The following TMEM167A variants were observed in gnomAD, a reference collection of about 807,000 sequenced individuals.
The protein encoded by TMEM167A is transmembrane protein 167A, also known as protein kish-A.
TMEM167A carries 8 observed loss-of-function variants against 11.6 expected under a neutral mutation model. The ratio of observed to expected loss-of-function variants is 0.69; its 90% CI spans 0.40 to 1.24. The LOEUF is 1.24. Ranked by LOEUF, TMEM167A falls within the 50% of genes most tolerant of loss-of-function variation. The probability of loss-of-function intolerance (pLI) is 0.01; values close to 1 mark genes in which losing one functional copy is unlikely to be tolerated. For missense variants in TMEM167A, 62 were observed against 87.0 expected (o/e 0.71, Z 1.14); for synonymous variants, 22 against 28.0 (o/e 0.79, Z 0.67).
In TMEM167A at chr5:83,065,242, C is replaced by T; in HGVS notation, c.4-125G>A. ...CAAGAAGGCAAGCAGAATGACAAGTCTGGCAACACTTAAAACCAGAATCTT... is the reference window on the plus strand; with the variant it reads ...CAAGAAGGCAAGCAGAATGACAAGTTTGGCAACACTTAAAACCAGAATCTT... On this transcript the variant is annotated intron_variant, in intron 1 of 3. Coordinates refer to ENST00000502346, the MANE Select transcript of TMEM167A (RefSeq NM_174909.5). The T allele has an allele frequency of 1.4e-5, 9 of 622,848 alleles. No individual in the cohort carries two copies. In the South Asian group the frequency reaches 1.8e-4, roughly 12 times the overall value. 38.6% of individuals were successfully genotyped at this position (622,848 alleles called of 1,614,324 possible).
Position 83,053,112 on chromosome 5 carries a change from C to T in TMEM167A, c.*3972G>A, listed in dbSNP as rs866668937. On this transcript the variant is annotated 3_prime_UTR_variant, in exon 4 of 4. Transcript: ENST00000502346. ...TAGTAATAACCACAAGGTTGTACAG[C>T]GTTCACAATGCTGGTATTAATCAGC... 7.9e-5 allele frequency: 12 copies of T among 151,872 alleles called. No individual in the cohort carries two copies. Among genetic ancestry groups the T allele is most frequent in the South Asian group, 6.2e-4 (3 of 4,824 alleles). The allele number at this position is 151,872 out of a possible 1,614,324, so 9.4% of individuals were successfully genotyped here.
intron 3 of TMEM167A, among the ~76,000 whole-genome samples, chr5:83,059,094 A>T (rs1744371621): frequency 6.6e-6 from 1 of 151,952 alleles, no homozygotes; most frequent in Non-Finnish European, 1.5e-5. Context: ...AAGAATGAAC[A>T]TTTAAAATGA....
At chr5:83,062,780 T>C (rs1179405202) in intron 2 of TMEM167A, among the ~76,000 whole-genome samples, 1 of 151,866 alleles carries the variant, frequency 6.6e-6, no homozygotes, top group Non-Finnish European at 1.5e-5. Flanking sequence ...ATTAATATTA[T>C]GTTACGTAAA....
At chr5:83,069,497 AAGTCATGAAACCT>A (rs2112246986) in intron 1 of TMEM167A, among the ~76,000 whole-genome samples, 1 of 152,228 alleles carries the variant, frequency 6.6e-6, no homozygotes, top group Non-Finnish European at 1.5e-5. Context: ...CAGGGCCTTT[AAGTCATGAAACCT>A]TTTCCAAGGT....
intron 1 of TMEM167A, among the ~76,000 whole-genome samples, chr5:83,072,838 T>G (rs192145715): frequency 1.3e-5 from 2 of 152,282 alleles, no homozygotes; most frequent in East Asian, 3.9e-4. Context: ...CACATCAGAT[T>G]CCTATTAGCC....
rs1206150792 is a variant in TMEM167A at position 83,054,010 on chromosome 5, GCTAA to G, written c.*3070_*3073del. 3 of 151,978 alleles carry G rather than the reference GCTAA, an allele frequency of 2.0e-5. No individual in the cohort carries two copies. The highest frequency in any genetic ancestry group is 1.3e-4 in the Admixed American group (2 of 15,232). The allele number at this position is 151,978 out of a possible 1,614,324, so 9.4% of individuals were successfully genotyped here. On this transcript the variant is annotated 3_prime_UTR_variant, in exon 4 of 4. Coordinates refer to ENST00000502346, the MANE Select transcript of TMEM167A (RefSeq NM_174909.5). The stretch of plus-strand genomic sequence containing the variant: ...GAGTAGAAATATTCTATTTACCAGT[GCTAA>G]CTCTTTTTCACAAAACCAGGCAGAG...
chr5:83,068,225 TTGTC>T (rs1430785325), intron 1 of TMEM167A, among the ~76,000 whole-genome samples: 2 of 152,180 alleles, frequency 1.3e-5, no homozygotes, highest in African/African-American at 4.8e-5. Context: ...GGTATCCACT[TTGTC>T]TGAGAAATGA....
rs1744700784 is a variant in TMEM167A, at chr5:83,077,317, T to C, written c.3+4A>G. 8 of 1,614,140 alleles carry C rather than the reference T, an allele frequency of 5.0e-6. No individual in the cohort carries two copies. The highest frequency in any genetic ancestry group is 6.8e-6 in the Non-Finnish European group (8 of 1,180,002). On this transcript the variant is annotated splice_donor_region_variant and intron_variant, in intron 1 of 3. Coordinates refer to ENST00000502346, the MANE Select transcript of TMEM167A (RefSeq NM_174909.5). ...AACCGCGACCTGGGAGCCCCACTTC[T>C]TACCATAGCGAGGCCGGCGATGCCG...
chr5:83,056,826 C>T lies in TMEM167A; in HGVS notation c.*258G>A, dbSNP rs530528235. 2.0e-3 allele frequency: 981 copies of T among 479,420 alleles called. 5 individuals are homozygous for T. The highest frequency in any genetic ancestry group is 3.4e-3 in the Middle Eastern group (6 of 1,748). 29.7% of individuals were successfully genotyped at this position (479,420 alleles called of 1,614,324 possible). A position where few individuals can be genotyped will look rare whatever the true frequency, so the allele number is the denominator to read the frequency against. ...CCTCACTAAAATTTTGTATCTGATA[C>T]AACAGAATAACATTTGCAGAATGTA... is the stretch of plus-strand genomic sequence containing the variant. On this transcript the variant is annotated 3_prime_UTR_variant, in exon 4 of 4. Coordinates refer to ENST00000502346, the MANE Select transcript of TMEM167A (RefSeq NM_174909.5).
chr5:83,061,773 A>C, intron 3 of TMEM167A, 104 bp downstream of exon 3: 1 of 1,122,688 alleles, frequency 8.9e-7, no homozygotes, highest in Middle Eastern at 2.1e-4. Flanking sequence ...AAAATTGGGA[A>C]GCCTGCCCTT....
Position 83,064,442 on chromosome 5 carries a change from C to T in TMEM167A, c.113+566G>A. The T allele has an allele frequency of 1.6e-5, 7 of 436,344 alleles. 1 individual carries two copies. Among genetic ancestry groups the T allele is most frequent in the South Asian group, 1.2e-4 (7 of 59,922 alleles). 27.0% of individuals were successfully genotyped at this position (436,344 alleles called of 1,614,324 possible). On this transcript the variant is annotated intron_variant, in intron 2 of 3. Transcript: ENST00000502346. Reference sequence around the variant, plus strand: ...TAAACACTTAAATATCTTAGATGGACATTATGCATTATATTAGAATTCCAA... The same window carrying T: ...TAAACACTTAAATATCTTAGATGGATATTATGCATTATATTAGAATTCCAA...
intron 1 of TMEM167A, among the ~76,000 whole-genome samples, chr5:83,073,083 G>A (rs1744586963): frequency 6.6e-6 from 1 of 152,296 alleles, no homozygotes; most frequent in Admixed American, 6.5e-5. Flanking sequence ...TTGTTGCATA[G>A]TTGAAAGGGC....
chr5:83,063,781 C>A (rs1288641813), intron 2 of TMEM167A, among the ~76,000 whole-genome samples: 1 of 151,940 alleles, frequency 6.6e-6, no homozygotes, highest in Non-Finnish European at 1.5e-5. Flanking sequence ...GGCTAAATAC[C>A]AATAAGTATA....
At chr5:83,057,204 G>C (rs199886819) in intron 3 of TMEM167A, 50 bp from the exon 4 acceptor site, 79 of 1,523,342 alleles carry the variant, frequency 5.2e-5, no homozygotes, top group Non-Finnish European at 6.5e-5. Flanking sequence ...TGGCTAACCT[G>C]GCTATGACAA....
rs950006724 is a variant in TMEM167A, at chr5:83,054,142, T to C, written c.*2942A>G. 6.6e-6 allele frequency: 1 copy of C among 152,012 alleles called. No individual in the cohort carries two copies. The highest frequency in any genetic ancestry group is 2.4e-5 in the African/African-American group (1 of 41,406). The allele number at this position is 152,012 out of a possible 1,614,324, so 9.4% of individuals were successfully genotyped here. A position where few individuals can be genotyped will look rare whatever the true frequency, so the allele number is the denominator to read the frequency against. ...CTTATTACTAAGATGAAGGAATCTA[T>C]TGCAAGTTACACGTTACTATCATCC... On this transcript the variant is annotated 3_prime_UTR_variant, in exon 4 of 4. Transcript: ENST00000502346.
rs776240313 is a variant in TMEM167A at position 83,077,301 on chromosome 5, C to T, written c.3+20G>A. The T allele has an allele frequency of 3.1e-6, 5 of 1,614,234 alleles. No homozygotes were observed. The highest frequency in any genetic ancestry group is 4.2e-6 in the Non-Finnish European group (5 of 1,180,034). On this transcript the variant is annotated intron_variant, in intron 1 of 3. Coordinates refer to ENST00000502346, the MANE Select transcript of TMEM167A (RefSeq NM_174909.5). ...CCCCTTCTCGAAGATCAACCGCGAC[C>T]TGGGAGCCCCACTTCTTACCATAGC...
intron 1 of TMEM167A, among the ~76,000 whole-genome samples, chr5:83,072,245 C>T (rs554965629): frequency 2.0e-5 from 3 of 151,800 alleles, no homozygotes; most frequent in South Asian, 2.1e-4. Flanking sequence ...AGAAGGCATA[C>T]GCAAAACAAT....
rs576647078 is a variant in TMEM167A, at chr5:83,067,579, A to T, written c.4-2462T>A. Among the ~76,000 whole-genome samples, 136 of 152,210 alleles carry T rather than the reference A, an allele frequency of 8.9e-4. No individual in the cohort carries two copies. In the Middle Eastern group the frequency reaches 0.014, roughly 15 times the overall value. The stretch of plus-strand genomic sequence containing the variant: ...AAGTGCAGTGGTGGGATCTTGGCTC[A>T]CTGCAACCTCCACCTCGTGGGTTCA... On this transcript the variant is annotated intron_variant, in intron 1 of 3. Coordinates refer to ENST00000502346, the MANE Select transcript of TMEM167A (RefSeq NM_174909.5).
chr5:83,072,331 A>G (rs950967192), intron 1 of TMEM167A, among the ~76,000 whole-genome samples: 3 of 152,244 alleles, frequency 2.0e-5, no homozygotes, highest in African/African-American at 7.2e-5. Flanking sequence ...GACAAGAGAC[A>G]GTATTCTGAA....
Sources: gnomAD v4.1 joint callset for allele counts (sites outside exome capture counted in the v4.1 genomes callset) on GRCh38, gnomAD v4.1.1 for gene constraint, MANE v1.5 for transcripts, NCBI Gene and HGNC (gene_info 2026-07-23, HGNC 2026-07-21) for gene names.